The following PHACTR2 variants were observed in gnomAD, a reference collection of about 807,000 sequenced individuals.
PHACTR2 encodes the protein phosphatase and actin regulator 2, also known as chromosome 6 open reading frame 56.
PHACTR2 carries 30 observed loss-of-function variants against 76.0 expected under a neutral mutation model. That is an observed-to-expected ratio of 0.39 (90% confidence interval 0.30 to 0.54). The LOEUF (loss-of-function observed/expected upper bound fraction) is 0.54. Ranked by LOEUF, PHACTR2 falls within the 20% of genes least tolerant of loss-of-function variation. The pLI is 0.61. For missense variants in PHACTR2, 696 were observed against 781.1 expected (o/e 0.89, Z 1.30); for synonymous variants, 292 against 292.5 (o/e 1.00, Z 0.02).
intron 1 of PHACTR2, among the ~76,000 whole-genome samples, chr6:143,632,696 A>G (rs1269577143): frequency 6.6e-6 from 1 of 152,210 alleles, no homozygotes; most frequent in Admixed American, 6.5e-5. Context: ...ATACAGTGTT[A>G]TATACAGCAG....
chr6:143,771,458 C>T lies in PHACTR2; in HGVS notation c.1233-800C>T, dbSNP rs10080348. Among the ~76,000 whole-genome samples the T allele has an allele frequency of 3.7e-3, 561 of 150,050 alleles. 6 individuals are homozygous for T. Among genetic ancestry groups the T allele is most frequent in the African/African-American group, 0.013 (548 of 40,870 alleles). Reference sequence around the variant, plus strand: ...TTATTTAATTTATTTATTTTTGAGACGGAGTTTTGCTCTTGTTGCCCAGGC... The same window carrying T: ...TTATTTAATTTATTTATTTTTGAGATGGAGTTTTGCTCTTGTTGCCCAGGC... On this transcript the variant is annotated intron_variant, in intron 6 of 12. Coordinates refer to ENST00000440869, the MANE Select transcript of PHACTR2 (RefSeq NM_001100164.2).
rs1778136234 is a variant in PHACTR2, at chr6:143,709,962, G to T, written c.47-2054G>T. On this transcript the variant is annotated intron_variant, in intron 1 of 12. Transcript: ENST00000440869. This position sits in a 1 kb window ranked among gnomAD's most constrained non-coding sequence, Gnocchi z 4.4. ...ACACCACTCTAGTAGGGGTATTAGGGGTCCTTTTCAGAGCCTCATGAGGGT... is the reference window on the plus strand; with the variant it reads ...ACACCACTCTAGTAGGGGTATTAGGTGTCCTTTTCAGAGCCTCATGAGGGT... Among the ~76,000 whole-genome samples, 1 of 152,034 alleles carries T rather than the reference G, an allele frequency of 6.6e-6. No homozygotes were observed. The highest frequency in any genetic ancestry group is 2.1e-4 in the South Asian group (1 of 4,824).
At chr6:143,631,936 A>G (rs937786454) in intron 1 of PHACTR2, among the ~76,000 whole-genome samples, 1 of 152,204 alleles carries the variant, frequency 6.6e-6, no homozygotes, top group Non-Finnish European at 1.5e-5. Context: ...CTGTTATAGT[A>G]CCATGCCATT....
At chr6:143,749,194 G>T (rs751856247) in intron 3 of PHACTR2, 129 bp downstream of exon 3, 5 of 599,088 alleles carry the variant, frequency 8.3e-6, no homozygotes, top group Non-Finnish European at 6.0e-6. Flanking sequence ...CATTCCAAGC[G>T]CCGTGCTTCC....
chr6:143,557,761 T>C lies in PHACTR2; in HGVS notation c.217+20554T>C. ...TGCCACCTTTGAAACACAGGCGTGT[T>C]GTTTCTTTTGCCTGAACCCCAATAG... is the stretch of plus-strand genomic sequence containing the variant. On this transcript the variant is annotated intron_variant, in intron 1 of 11. Coordinates refer to the PHACTR2 transcript ENST00000367584. The surrounding 1 kb of genome is among the most constrained non-coding windows in gnomAD (Gnocchi z 5.5). 1 of 152,326 alleles carries C rather than the reference T, an allele frequency of 6.6e-6. No individual in the cohort carries two copies. The highest frequency in any genetic ancestry group is 1.5e-5 in the Non-Finnish European group (1 of 68,034). 9.4% of individuals were successfully genotyped at this position (152,326 alleles called of 1,614,324 possible). A position where few individuals can be genotyped will look rare whatever the true frequency, so the allele number is the denominator to read the frequency against.
intron 2 of PHACTR2, among the ~76,000 whole-genome samples, chr6:143,715,139 C>T (rs1324410199): frequency 2.0e-5 from 3 of 152,140 alleles, no homozygotes; most frequent in Admixed American, 6.6e-5. Flanking sequence ...TCCAAGCCTC[C>T]GAACCATTAA....
chr6:143,804,675 G>C (rs182298646), intron 11 of PHACTR2, among the ~76,000 whole-genome samples: 4 of 152,298 alleles, frequency 2.6e-5, no homozygotes, highest in African/African-American at 7.2e-5. Context: ...CCATATCTCA[G>C]TTGATGCTCA....
At chr6:143,721,348 G>A (rs1031928707) in intron 2 of PHACTR2, among the ~76,000 whole-genome samples, 1 of 152,170 alleles carries the variant, frequency 6.6e-6, no homozygotes, top group Non-Finnish European at 1.5e-5. Context: ...TACGCCTGAA[G>A]CCTGGGACTA....
At chr6:143,805,479 C>CAAA (rs746027973) in intron 11 of PHACTR2, among the ~76,000 whole-genome samples, 11 of 95,146 alleles carry the variant, frequency 1.2e-4, no homozygotes, top group African/African-American at 2.1e-4. Flanking sequence ...AACTCCGTCT[C>CAAA]AAAAAAAAAA....
At position 143,767,901 on chromosome 6, in the gene PHACTR2, G is replaced by T. The variant is rs1779594032; in HGVS notation, c.1232+2103G>T. On this transcript the variant is annotated intron_variant, in intron 6 of 12. Transcript: ENST00000440869. This position sits in a 1 kb window ranked among gnomAD's most constrained non-coding sequence, Gnocchi z 4.4. The stretch of plus-strand genomic sequence containing the variant: ...CACCCAGGCTGGAGTACAGTGGCAT[G>T]ATCTCGGCTCACCTCAACCTCTGCC... Among the ~76,000 whole-genome samples, 1 of 152,152 alleles carries T rather than the reference G, an allele frequency of 6.6e-6. No homozygotes were observed. The highest frequency in any genetic ancestry group is 2.4e-5 in the African/African-American group (1 of 41,430).
In PHACTR2 at chr6:143,580,353, C is replaced by T. The variant is rs554229213; in HGVS notation, c.217+43146C>T. ...ACAAAAAATTAGCCCGGCTTGGTGGCGGGCGCCTGTAGTCCCAGCTACTCT... is the reference window on the plus strand; with the variant it reads ...ACAAAAAATTAGCCCGGCTTGGTGGTGGGCGCCTGTAGTCCCAGCTACTCT... On this transcript the variant is annotated intron_variant, in intron 1 of 11. Transcript: ENST00000367584. The surrounding 1 kb of genome is among the most constrained non-coding windows in gnomAD (Gnocchi z 4.2). Among the ~76,000 whole-genome samples, 1 of 152,256 alleles carries T rather than the reference C, an allele frequency of 6.6e-6. No individual in the cohort carries two copies. The highest frequency in any genetic ancestry group is 2.1e-4 in the South Asian group (1 of 4,822).
At position 143,557,783 on chromosome 6, in the gene PHACTR2, A is replaced by G. The variant is rs1008833158; in HGVS notation, c.217+20576A>G. On this transcript the variant is annotated intron_variant, in intron 1 of 11. Coordinates refer to the PHACTR2 transcript ENST00000367584. The surrounding 1 kb of genome is among the most constrained non-coding windows in gnomAD (Gnocchi z 5.5). ...TGTTGTTTCTTTTGCCTGAACCCCAATAGAAATGTAAAAGTTGACACCTTG... is the reference window on the plus strand; with the variant it reads ...TGTTGTTTCTTTTGCCTGAACCCCAGTAGAAATGTAAAAGTTGACACCTTG... 2.6e-5 allele frequency: 4 copies of G among 152,196 alleles called. No individual in the cohort carries two copies. Among genetic ancestry groups the G allele is most frequent in the Admixed American group, 6.5e-5 (1 of 15,280 alleles). The allele number at this position is 152,196 out of a possible 1,614,324, so 9.4% of individuals were successfully genotyped here.
Position 143,679,224 on chromosome 6 carries a change from A to G in PHACTR2, c.46+1015A>G, listed in dbSNP as rs1255793100. Among the ~76,000 whole-genome samples the G allele has an allele frequency of 6.6e-6, 1 of 152,120 alleles. No individual in the cohort carries two copies. The highest frequency in any genetic ancestry group is 1.9e-4 in the East Asian group (1 of 5,178). ...TCATTCCAACCCCCCACCCCACTTT[A>G]TACCCAGTGGGTTTCTTTAGGTAGC... On this transcript the variant is annotated intron_variant, in intron 1 of 12. Transcript: ENST00000440869. This position sits in a 1 kb window ranked among gnomAD's most constrained non-coding sequence, Gnocchi z 4.6.
intron 1 of PHACTR2, among the ~76,000 whole-genome samples, chr6:143,620,250 A>G (rs1382541639): frequency 6.6e-6 from 1 of 152,148 alleles, no homozygotes; most frequent in Non-Finnish European, 1.5e-5. Context: ...AATGCTCCAT[A>G]AACAAAGGTG....
At chr6:143,542,186 G>T (rs893186412) in intron 1 of PHACTR2, among the ~76,000 whole-genome samples, 1 of 152,186 alleles carries the variant, frequency 6.6e-6, no homozygotes, top group African/African-American at 2.4e-5. Flanking sequence ...CTTTGCCCAG[G>T]TCAAGCTGTG....
chr6:143,771,367 C>T (rs920594170), intron 6 of PHACTR2, among the ~76,000 whole-genome samples: 3 of 147,820 alleles, frequency 2.0e-5, no homozygotes, highest in Non-Finnish European at 4.5e-5. Context: ...GCTGGGACTA[C>T]AGGCAAGCGC....
At position 143,818,593 on chromosome 6, in the gene PHACTR2, T is replaced by C. The variant is rs1462799813; in HGVS notation, c.1923-5081T>C. 6.6e-6 allele frequency among the ~76,000 whole-genome samples: 1 copy of C among 152,194 alleles called. No homozygotes were observed. Among genetic ancestry groups the C allele is most frequent in the Non-Finnish European group, 1.5e-5 (1 of 68,038 alleles). ...TGGGTAATTTATAAAGGAAAGAGATTTAATTGACTCACAGTTCCATGTGGC... is the reference window on the plus strand; with the variant it reads ...TGGGTAATTTATAAAGGAAAGAGATCTAATTGACTCACAGTTCCATGTGGC... On this transcript the variant is annotated intron_variant, in intron 12 of 12. Transcript: ENST00000440869. The surrounding 1 kb of genome is among the most constrained non-coding windows in gnomAD (Gnocchi z 4.9).
intron 4 of PHACTR2, among the ~76,000 whole-genome samples, chr6:143,759,678 A>G (rs1779390011): frequency 6.7e-6 from 1 of 149,798 alleles, no homozygotes; most frequent in Non-Finnish European, 1.5e-5. Flanking sequence ...GCACACACAT[A>G]CAAAAAAAAA....
At chr6:143,577,311 G>C (rs911652844) in intron 1 of PHACTR2, among the ~76,000 whole-genome samples, 2 of 152,024 alleles carry the variant, frequency 1.3e-5, no homozygotes, top group African/African-American at 4.8e-5. Flanking sequence ...TCACAGTCAA[G>C]GTCATCAGTA....
Sources: gnomAD v4.1 joint callset for allele counts (sites outside exome capture counted in the v4.1 genomes callset) on GRCh38, gnomAD v4.1.1 for gene constraint, Gnocchi (gnomAD v3.1) non-coding constraint, MANE v1.5 for transcripts, NCBI Gene and HGNC (gene_info 2026-07-23, HGNC 2026-07-21) for gene names.